MYO16: variants seen among roughly 807,000 people sequenced by gnomAD.
MYO16 encodes the protein unconventional myosin-XVI.
MYO16 carries 94 observed loss-of-function variants against 205.3 expected under a neutral mutation model. The ratio of observed to expected loss-of-function variants is 0.46; its 90% CI spans 0.39 to 0.54. The LOEUF is 0.54. Ranked by LOEUF, MYO16 falls within the 20% of genes least tolerant of loss-of-function variation. The pLI, the probability that MYO16 is intolerant of heterozygous loss-of-function variation, is 0.00. For synonymous variants in MYO16, 988 were observed against 954.0 expected, an observed-to-expected ratio of 1.04 and a Z score of -0.66; for missense variants, 2,315 against 2,387.5, an observed-to-expected ratio of 0.97 and a Z score of 0.63.
intron 1 of MYO16, among the ~76,000 whole-genome samples, chr13:108,612,111 C>T (rs936116777): frequency 5.3e-5 from 8 of 151,392 alleles, no homozygotes; most frequent in Non-Finnish European, 8.8e-5. Context: ...AGACTTGAAT[C>T]GCTTGTTGGC....
chr13:109,012,838 G>A (rs1407556439), intron 22 of MYO16, among the ~76,000 whole-genome samples: 1 of 151,314 alleles, frequency 6.6e-6, no homozygotes, highest in East Asian at 1.9e-4. Flanking sequence ...GTTATAAACT[G>A]TCAGACTTCT....
chr13:109,204,965 T>C (rs898746077), intron 34 of MYO16, among the ~76,000 whole-genome samples: 6 of 152,166 alleles, frequency 3.9e-5, no homozygotes, highest in Non-Finnish European at 7.4e-5. Context: ...CTCACTCTGC[T>C]GAGAGTAGAA....
intron 1 of MYO16, among the ~76,000 whole-genome samples, chr13:108,633,862 C>G (rs1410889673): frequency 2.0e-5 from 3 of 152,202 alleles, no homozygotes; most frequent in Non-Finnish European, 1.5e-5. Context: ...CTGCAATGCA[C>G]TAACACACCC....
intron 4 of MYO16, among the ~76,000 whole-genome samples, chr13:108,733,676 T>C (rs1385848008): frequency 6.6e-6 from 1 of 152,180 alleles, no homozygotes; most frequent in Non-Finnish European, 1.5e-5. Context: ...TATTACACAG[T>C]AGAGGGCCGG....
chr13:108,691,005 A>G (rs945474396), intron 2 of MYO16, among the ~76,000 whole-genome samples: 2 of 152,174 alleles, frequency 1.3e-5, no homozygotes, highest in Non-Finnish European at 2.9e-5. Flanking sequence ...TTTAAAAATT[A>G]TGATTCTTAT....
intron 2 of MYO16, among the ~76,000 whole-genome samples, chr13:108,666,471 C>G (rs997437154): frequency 6.6e-6 from 1 of 151,690 alleles, no homozygotes; most frequent in South Asian, 2.1e-4. Context: ...AACTTTTTAT[C>G]AATGAATTTT....
chr13:109,018,814 C>T (rs952001730), intron 22 of MYO16, among the ~76,000 whole-genome samples: 6 of 152,172 alleles, frequency 3.9e-5, no homozygotes, highest in Admixed American at 6.5e-5. Context: ...AGCTCACCCT[C>T]CATGGGCTGC....
chr13:108,612,900 T>G (rs1879225993), intron 1 of MYO16, among the ~76,000 whole-genome samples: 1 of 152,134 alleles, frequency 6.6e-6, no homozygotes, highest in Non-Finnish European at 1.5e-5. Flanking sequence ...TAAACCAGTA[T>G]GCAACTCGGG....
At chr13:108,527,788 T>C in the MYO16 span, among the ~76,000 whole-genome samples, 1 of 152,252 alleles carries the variant, frequency 6.6e-6, no homozygotes, top group Non-Finnish European at 1.5e-5. Context: ...CAGTAATAAC[T>C]CTGTTTGTTT....
chr13:108,650,638 ACT>A, intron 1 of MYO16, among the ~76,000 whole-genome samples: 1 of 152,276 alleles, frequency 6.6e-6, no homozygotes, highest in South Asian at 2.1e-4. Context: ...ACCAAAGAGA[ACT>A]TCTCTTTTGG....
intron 27 of MYO16, among the ~76,000 whole-genome samples, chr13:109,059,762 A>G (rs1210153590): frequency 6.6e-6 from 1 of 152,118 alleles, no homozygotes; most frequent in Admixed American, 6.5e-5. Flanking sequence ...TCTTTAGTTT[A>G]TTTAGATCCC....
At chr13:108,669,486 C>G (rs971039072) in intron 2 of MYO16, among the ~76,000 whole-genome samples, 1 of 151,672 alleles carries the variant, frequency 6.6e-6, no homozygotes, top group Admixed American at 6.6e-5. Context: ...AGGGAACAGA[C>G]GTTAAGAGCT....
At chr13:108,704,476 T>G (rs1332821060) in intron 2 of MYO16, among the ~76,000 whole-genome samples, 1 of 152,184 alleles carries the variant, frequency 6.6e-6, no homozygotes, top group East Asian at 1.9e-4. Context: ...GTTGTGCACA[T>G]GTACCCAAGA....
intron 6 of MYO16, among the ~76,000 whole-genome samples, chr13:108,804,838 T>C (rs188258983): frequency 3.3e-5 from 5 of 152,334 alleles, no homozygotes; most frequent in East Asian, 3.9e-4. Context: ...CCAGGACTTC[T>C]AGTCTTCCTT....
chr13:108,899,189 C>T (rs909839329), intron 15 of MYO16, among the ~76,000 whole-genome samples: 4 of 152,002 alleles, frequency 2.6e-5, no homozygotes, highest in Non-Finnish European at 4.4e-5. Flanking sequence ...TTTGGGAGGC[C>T]GAGGCGGGTG....
chr13:108,697,898 T>C (rs1325227278), intron 2 of MYO16, among the ~76,000 whole-genome samples: 2 of 152,080 alleles, frequency 1.3e-5, no homozygotes, highest in Non-Finnish European at 2.9e-5. Flanking sequence ...AATTTTTGTA[T>C]TTTTAGTACA....
chr13:108,559,141 A>G, the MYO16 span, among the ~76,000 whole-genome samples: 1 of 152,218 alleles, frequency 6.6e-6, no homozygotes, highest in Non-Finnish European at 1.5e-5. Flanking sequence ...AGTTGAGTTC[A>G]TTAGGGTGAG....
chr13:108,786,941 T>C (rs964644812), intron 5 of MYO16, among the ~76,000 whole-genome samples: 2 of 152,234 alleles, frequency 1.3e-5, no homozygotes, highest in African/African-American at 4.8e-5. Flanking sequence ...CAGATTCCAT[T>C]ACTTCTAAAG....
chr13:108,796,753 ACTG>A (rs1566334850), intron 6 of MYO16, among the ~76,000 whole-genome samples: 1 of 97,590 alleles, frequency 1.0e-5, no homozygotes, highest in Non-Finnish European at 2.0e-5. Context: ...AACATCACAC[ACTG>A]GGGCCTGTTG....
Sources: allele counts gnomAD v4.1 joint callset (sites outside exome capture counted in the v4.1 genomes callset), GRCh38; gene constraint gnomAD v4.1.1; transcripts MANE v1.5; gene names NCBI Gene and HGNC (gene_info 2026-07-23, HGNC 2026-07-21).